Variants in FNBP1L observed in about 807,000 individuals in gnomAD.
FNBP1L encodes formin binding protein 1 like, also known as formin-binding protein 1-like.
A neutral mutation model predicts 91.2 loss-of-function variants in FNBP1L; 36 were observed. The ratio of observed to expected loss-of-function variants is 0.39; its 90% CI spans 0.30 to 0.52. FNBP1L has a LOEUF of 0.52. FNBP1L is among the 20% of genes least tolerant of loss of function. The pLI, the probability that FNBP1L is intolerant of heterozygous loss-of-function variation, is 0.66. For missense variants in FNBP1L, 571 were observed against 732.1 expected (o/e 0.78, Z 2.54); for synonymous variants, 242 against 237.0 (o/e 1.02, Z -0.19).
At chr1:93,552,371 T>A in intron 16 of FNBP1L, 38 bp from the exon 17 acceptor site, 1 of 1,605,354 alleles carries the variant, frequency 6.2e-7, no homozygotes, top group Middle Eastern at 1.7e-4. Context: ...CCAAAGGTCT[T>A]CAGTAATTGT....
intron 1 of FNBP1L, among the ~76,000 whole-genome samples, chr1:93,466,889 G>T (rs1669098578): frequency 6.6e-6 from 1 of 152,106 alleles, no homozygotes; most frequent in Non-Finnish European, 1.5e-5. Flanking sequence ...ATGGAGTCTA[G>T]CTCTGTCGCC....
chr1:93,513,882 C>T (rs978924553), intron 2 of FNBP1L, among the ~76,000 whole-genome samples: 2 of 152,204 alleles, frequency 1.3e-5, no homozygotes, highest in African/African-American at 4.8e-5. Context: ...CCCTCTCTCA[C>T]CACTCCTTTT....
At chr1:93,520,956 C>T (rs979515360) in intron 2 of FNBP1L, among the ~76,000 whole-genome samples, 19 of 152,108 alleles carry the variant, frequency 1.2e-4, no homozygotes, top group Admixed American at 2.6e-4. Flanking sequence ...GCTGGAGAAT[C>T]GCCTGAACCC....
chr1:93,498,205 A>G (rs2101723833), intron 1 of FNBP1L, among the ~76,000 whole-genome samples: 1 of 152,330 alleles, frequency 6.6e-6, no homozygotes, highest in Non-Finnish European at 1.5e-5. Flanking sequence ...TTGTGGGAAG[A>G]GAAGCCTTTG....
rs1420200949 is a variant in FNBP1L, at chr1:93,550,969, A to C, written c.1674A>C (p.Ala558=). The C allele has an allele frequency of 1.3e-6, 2 of 1,599,166 alleles. No individual in the cohort carries two copies. Among genetic ancestry groups the C allele is most frequent in the South Asian group, 2.2e-5 (2 of 89,052 alleles). The change falls in exon 16 of 17, where the codon GCA becomes GCC. Residue 558 remains alanine (A), a synonymous_variant. Coordinates refer to ENST00000271234, the MANE Select transcript of FNBP1L (RefSeq NM_001164473.3). The part of the protein sequence containing the change: ...PFDGHNEGTL[A]MKEGEVLYII... ...TAGGACATAATGAAGGTACTCTAGC[A>C]ATGAAAGAAGGTGAAGTTCTCTACA...
At chr1:93,459,583 G>A (rs942376998) in intron 1 of FNBP1L, among the ~76,000 whole-genome samples, 3 of 152,206 alleles carry the variant, frequency 2.0e-5, no homozygotes, top group African/African-American at 7.2e-5. Flanking sequence ...AAATGTTGGT[G>A]AGGATGTGAA....
At chr1:93,504,042 A>C (rs1670525270) in intron 2 of FNBP1L, among the ~76,000 whole-genome samples, 1 of 152,216 alleles carries the variant, frequency 6.6e-6, no homozygotes, top group Non-Finnish European at 1.5e-5. Context: ...TTTGGCAAGC[A>C]GACATCTCTG....
intron 9 of FNBP1L, among the ~76,000 whole-genome samples, chr1:93,535,474 G>A (rs2101762781): frequency 6.6e-6 from 1 of 152,150 alleles, no homozygotes; most frequent in South Asian, 2.1e-4. Context: ...GTCAGCATGT[G>A]AGCAAATGAA....
rs1275268768 is a variant in FNBP1L at position 93,536,483 on chromosome 1, A to G, written c.1142A>G (p.Lys381Arg). 2 of 1,548,174 alleles carry G rather than the reference A, an allele frequency of 1.3e-6. No homozygotes were observed. The highest frequency in any genetic ancestry group is 1.7e-6 in the Non-Finnish European group (2 of 1,145,274). Reference protein sequence around the residue: ...KPRIPSFRSLKRGWSVKMGPA... With the variant: ...KPRIPSFRSLRRGWSVKMGPA... ...AGAATTCCTTCTTTCAGAAGCCTCAAAAGAGGGGTAAGTTTAATAATGGGT... is the reference window on the plus strand; with the variant it reads ...AGAATTCCTTCTTTCAGAAGCCTCAGAAGAGGGGTAAGTTTAATAATGGGT... The change falls in exon 10 of 17, where the codon AAA (lysine) becomes AGA (arginine). Residue 381 changes from lysine to arginine, a missense_variant. By Grantham distance (26) the Lys-to-Arg change is conservative. Coordinates refer to ENST00000271234, the MANE Select transcript of FNBP1L (RefSeq NM_001164473.3).
intron 1 of FNBP1L, among the ~76,000 whole-genome samples, chr1:93,456,080 A>G (rs1668648557): frequency 6.6e-6 from 1 of 152,250 alleles, no homozygotes; most frequent in Non-Finnish European, 1.5e-5. Flanking sequence ...AGCCTGGGCA[A>G]TATAATGAGA....
At chr1:93,497,603 C>A (rs1325784769) in intron 1 of FNBP1L, among the ~76,000 whole-genome samples, 1 of 152,144 alleles carries the variant, frequency 6.6e-6, no homozygotes, top group Non-Finnish European at 1.5e-5. Flanking sequence ...ATTGCCCTCA[C>A]TAAAAATATT....
chr1:93,538,321 T>G (rs1025161343), intron 10 of FNBP1L, among the ~76,000 whole-genome samples: 9 of 152,016 alleles, frequency 5.9e-5, no homozygotes, highest in Non-Finnish European at 1.0e-4. Context: ...TTAAAACTAT[T>G]TGCTTATTGT....
chr1:93,520,340 T>A (rs1343041477), intron 2 of FNBP1L, among the ~76,000 whole-genome samples: 2 of 152,208 alleles, frequency 1.3e-5, no homozygotes, highest in East Asian at 3.8e-4. Context: ...GTATGGCCAC[T>A]TACTTTAAAA....
At chr1:93,546,380 T>A (rs1266328677) in intron 12 of FNBP1L, among the ~76,000 whole-genome samples, 1 of 152,194 alleles carries the variant, frequency 6.6e-6, no homozygotes, top group South Asian at 2.1e-4. Flanking sequence ...AATGACTGAC[T>A]TTGGGTGGGG....
chr1:93,501,237 G>A (rs186458801), intron 2 of FNBP1L, among the ~76,000 whole-genome samples: 1 of 152,212 alleles, frequency 6.6e-6, no homozygotes, highest in East Asian at 1.9e-4. Context: ...AAAGGAAAAG[G>A]TTTAAAAATT....
At chr1:93,493,206 G>T (rs906605722) in intron 1 of FNBP1L, among the ~76,000 whole-genome samples, 3 of 152,136 alleles carry the variant, frequency 2.0e-5, no homozygotes, top group South Asian at 2.1e-4. Flanking sequence ...CGAGTCTGCA[G>T]TGAGCCATGG....
chr1:93,474,823 C>CTAA (rs1669435877), intron 1 of FNBP1L, among the ~76,000 whole-genome samples: 1 of 152,226 alleles, frequency 6.6e-6, no homozygotes, highest in Non-Finnish European at 1.5e-5. Context: ...TAAATAACTA[C>CTAA]ATCCTAACTT....
rs925803655 is a variant in FNBP1L at position 93,448,250 on chromosome 1, G to C, written c.-32G>C. 7.9e-5 allele frequency: 120 copies of C among 1,520,802 alleles called. No individual in the cohort carries two copies. Among genetic ancestry groups the C allele is most frequent in the Admixed American group, 1.5e-4 (7 of 48,140 alleles). 94.2% of individuals were successfully genotyped at this position (1,520,802 alleles called of 1,614,324 possible). A position where few individuals can be genotyped will look rare whatever the true frequency, so the allele number is the denominator to read the frequency against. ...TGTGGAGCCGACAGACTGAAGGACA[G>C]CGGCACCGCCAGACGGCCAGAAAGT... On this transcript the variant is annotated 5_prime_UTR_variant, in exon 1 of 17. Transcript: ENST00000271234.
Position 93,552,801 on chromosome 1 carries a change from C to CT in FNBP1L, c.*386dup, listed in dbSNP as rs1672457384. The CT allele has an allele frequency of 5.7e-6, 1 of 175,408 alleles. No individual in the cohort carries two copies. Among genetic ancestry groups the CT allele is most frequent in the Admixed American group, 6.2e-5 (1 of 16,004 alleles). 10.9% of individuals were successfully genotyped at this position (175,408 alleles called of 1,614,324 possible). On this transcript the variant is annotated 3_prime_UTR_variant, in exon 17 of 17. Coordinates refer to ENST00000271234, the MANE Select transcript of FNBP1L (RefSeq NM_001164473.3). ...TTTAATTGGCTTTTAGACCCACTAT[C>CT]TGTCAGATCCTTGCCATCTGTCAGT...
Sources: gnomAD v4.1 joint callset for allele counts (sites outside exome capture counted in the v4.1 genomes callset) on GRCh38, gnomAD v4.1.1 for gene constraint, MANE v1.5 for transcripts, NCBI Gene and HGNC (gene_info 2026-07-23, HGNC 2026-07-21) for gene names.